Variants in CNOT1 observed in about 807,000 individuals in gnomAD.
The protein encoded by CNOT1 is CCR4-associated factor 1.
In CNOT1, 15 loss-of-function variants were observed where a neutral mutation model predicts 273.8. That is an observed-to-expected ratio of 0.05 (90% confidence interval 0.04 to 0.08). The LOEUF is 0.08. CNOT1 is among the 10% of genes least tolerant of loss of function. The pLI is 1.00. For synonymous variants in CNOT1, 1,022 were observed against 1,005.5 expected, an observed-to-expected ratio of 1.02 and a Z score of -0.31; for missense variants, 1,644 against 2,912.2, an observed-to-expected ratio of 0.56 and a Z score of 10.02.
intron 44 of CNOT1, among the ~76,000 whole-genome samples, chr16:58,526,384 TA>T (rs2151894977): frequency 6.6e-6 from 1 of 152,120 alleles, no homozygotes; most frequent in East Asian, 1.9e-4. Context: ...GGCAAAGGTC[TA>T]ATTTGCACAA....
intron 17 of CNOT1, among the ~76,000 whole-genome samples, chr16:58,559,470 T>C (rs1179786258): frequency 6.6e-6 from 1 of 151,754 alleles, no homozygotes; most frequent in Non-Finnish European, 1.5e-5. Context: ...CCAAAATAAA[T>C]TTAGTCGAAA....
chr16:58,583,035 A>G (rs747705674), intron 9 of CNOT1, 21 bp downstream of exon 9: 1 of 1,613,598 alleles, frequency 6.2e-7, no homozygotes, highest in Non-Finnish European at 8.5e-7. Flanking sequence ...TCACTTGGTA[A>G]AATAGCTGAA....
At chr16:58,541,915 G>T (rs998726845) in intron 33 of CNOT1, among the ~76,000 whole-genome samples, 9 of 152,174 alleles carry the variant, frequency 5.9e-5, no homozygotes, top group Non-Finnish European at 1.2e-4. Context: ...AATATTATCA[G>T]ATTTCTCACT....
rs1245031220 is a variant in CNOT1 at position 58,615,389 on chromosome 16, A to G, written c.-175+14339T>C. Among the ~76,000 whole-genome samples, 6 of 125,474 alleles carry G rather than the reference A, an allele frequency of 4.8e-5. 1 individual carries two copies. Among genetic ancestry groups the G allele is most frequent in the African/African-American group, 1.6e-4 (6 of 37,272 alleles). 82.3% of individuals were successfully genotyped at this position (125,474 alleles called of 152,430 possible). The stretch of plus-strand genomic sequence containing the variant: ...CTGTAAGACTTAGTTCCTAACCCAC[A>G]AAGTATACAGCAAATATGGTATGTG... On this transcript the variant is annotated intron_variant, in intron 1 of 48. Transcript: ENST00000317147.
Position 58,551,822 on chromosome 16 carries a change from A to G in CNOT1, c.2971-3T>C, listed in dbSNP as rs777287930. On this transcript the variant is annotated splice_polypyrimidine_tract_variant and splice_region_variant and intron_variant, in intron 22 of 48. Transcript: ENST00000317147. ...GACTGCTGTCCATACTCAATATACTAAAAGGGTAGGGAGAGGAAAAAGAGT... is the reference window on the plus strand; with the variant it reads ...GACTGCTGTCCATACTCAATATACTGAAAGGGTAGGGAGAGGAAAAAGAGT... 1 of 1,613,930 alleles carries G rather than the reference A, an allele frequency of 6.2e-7. No individual in the cohort carries two copies. The highest frequency in any genetic ancestry group is 8.5e-7 in the Non-Finnish European group (1 of 1,179,872).
chr16:58,612,668 G>A (rs1197769071), intron 1 of CNOT1, among the ~76,000 whole-genome samples: 1 of 152,140 alleles, frequency 6.6e-6, no homozygotes, highest in East Asian at 1.9e-4. Flanking sequence ...GAACCCAGGA[G>A]GGGGATGTTG....
At position 58,549,905 on chromosome 16, in the gene CNOT1, G is replaced by A. The variant is rs199954059; in HGVS notation, c.3343-7C>T. On this transcript the variant is annotated splice_polypyrimidine_tract_variant and splice_region_variant and intron_variant, in intron 24 of 48. Coordinates refer to ENST00000317147, the MANE Select transcript of CNOT1 (RefSeq NM_016284.5). ...TTTCCTTTAGCTCTTCAACCTAGCCGGTCAATACGACATGGGAAGCACAGA... is the reference window on the plus strand; with the variant it reads ...TTTCCTTTAGCTCTTCAACCTAGCCAGTCAATACGACATGGGAAGCACAGA... 20 of 1,613,050 alleles carry A rather than the reference G, an allele frequency of 1.2e-5. No individual in the cohort carries two copies. Among genetic ancestry groups the A allele is most frequent in the African/African-American group, 6.7e-5 (5 of 74,788 alleles).
chr16:58,547,325 G>A lies in CNOT1; in HGVS notation c.3640-29C>T, dbSNP rs199665090. 46 of 1,610,778 alleles carry A rather than the reference G, an allele frequency of 2.9e-5. No homozygotes were observed. The highest frequency in any genetic ancestry group is 4.0e-5 in the African/African-American group (3 of 74,872). On this transcript the variant is annotated intron_variant, in intron 26 of 48. Coordinates refer to ENST00000317147, the MANE Select transcript of CNOT1 (RefSeq NM_016284.5). This position sits in a 1 kb window ranked among gnomAD's most constrained non-coding sequence, Gnocchi z 4.0. Reference sequence around the variant, plus strand: ...GAATAAGAAAAATACTTTCAAAAGCGGGGAATATACCCCCCAAAATGGTAT... The same window carrying A: ...GAATAAGAAAAATACTTTCAAAAGCAGGGAATATACCCCCCAAAATGGTAT...
chr16:58,546,947 C>G (rs774963553), intron 27 of CNOT1, among the ~76,000 whole-genome samples, 198 bp from the exon 28 acceptor site: 37 of 152,130 alleles, frequency 2.4e-4, no homozygotes, highest in Non-Finnish European at 3.8e-4. Flanking sequence ...AACCCCTAGC[C>G]TTCTCACCTA....
At position 58,613,684 on chromosome 16, in the gene CNOT1, G is replaced by T. The variant is rs190167900; in HGVS notation, c.-174-14173C>A. On this transcript the variant is annotated intron_variant, in intron 1 of 48. Transcript: ENST00000317147. ...CTATTGAGGGGAAAAAAACAGTCAC[G>T]TAACAGTGGTCTATTTAGATTATGT... Among the ~76,000 whole-genome samples, 2 of 124,652 alleles carry T rather than the reference G, an allele frequency of 1.6e-5. 1 individual carries two copies. Among genetic ancestry groups the T allele is most frequent in the Admixed American group, 1.6e-4 (2 of 12,502 alleles). The allele number at this position is 124,652 out of a possible 152,430, so 81.8% of individuals were successfully genotyped here.
At chr16:58,567,614 C>T (rs146699535) in intron 16 of CNOT1, among the ~76,000 whole-genome samples, 1 of 151,554 alleles carries the variant, frequency 6.6e-6, no homozygotes, top group Non-Finnish European at 1.5e-5. Flanking sequence ...ACTTCCTCTC[C>T]TTCATAAAAG....
chr16:58,543,305 A>C (rs1365950948), intron 31 of CNOT1: 8 of 1,547,948 alleles, frequency 5.2e-6, no homozygotes, highest in African/African-American at 2.7e-5. Context: ...GGTTAACAGA[A>C]ATGAGATTGT....
At chr16:58,571,729 G>A (rs2041280841) in intron 16 of CNOT1, among the ~76,000 whole-genome samples, 1 of 152,208 alleles carries the variant, frequency 6.6e-6, no homozygotes, top group Non-Finnish European at 1.5e-5. Context: ...TGTGATCCCA[G>A]CACTTTGGGA....
At chr16:58,619,675 C>T (rs2043234827) in intron 1 of CNOT1, among the ~76,000 whole-genome samples, 2 of 152,076 alleles carry the variant, frequency 1.3e-5, no homozygotes, top group South Asian at 2.1e-4. Context: ...CTGCCCACCT[C>T]GGCCTCCCAA....
chr16:58,597,828 C>T (rs377437768), intron 2 of CNOT1: 46 of 421,326 alleles, frequency 1.1e-4, no homozygotes, highest in East Asian at 8.8e-4. Flanking sequence ...GTGAAGCAGT[C>T]GAGCCCCAGG....
intron 1 of CNOT1, among the ~76,000 whole-genome samples, chr16:58,603,317 C>T (rs1251414071): frequency 2.0e-5 from 3 of 152,034 alleles, no homozygotes; most frequent in South Asian, 2.1e-4. Context: ...ACTGCTTGAA[C>T]GCGGGAGTTC....
chr16:58,621,685 G>A (rs1293845318), intron 1 of CNOT1, among the ~76,000 whole-genome samples: 4 of 149,998 alleles, frequency 2.7e-5, no homozygotes, highest in Non-Finnish European at 5.9e-5. Flanking sequence ...TTGGGAGGCC[G>A]AGGCGGGCAG....
chr16:58,577,781 A>T (rs2041510233), intron 13 of CNOT1, among the ~76,000 whole-genome samples: 1 of 151,550 alleles, frequency 6.6e-6, no homozygotes, highest in Admixed American at 6.6e-5. Context: ...TTGAGGCTGC[A>T]GTGAGACATG....
intron 12 of CNOT1, among the ~76,000 whole-genome samples, chr16:58,580,134 G>A (rs1431341173): frequency 3.9e-5 from 6 of 151,912 alleles, no homozygotes; most frequent in African/African-American, 7.3e-5. Context: ...CGCTTAAACC[G>A]GGGAGGCGGA....
Sources: allele counts gnomAD v4.1 joint callset (sites outside exome capture counted in the v4.1 genomes callset), GRCh38; gene constraint gnomAD v4.1.1; non-coding constraint Gnocchi (gnomAD v3.1); transcripts MANE v1.5; gene names NCBI Gene and HGNC (gene_info 2026-07-23, HGNC 2026-07-21).